ARMC9: variants seen among roughly 807,000 people sequenced by gnomAD.
ARMC9 encodes the protein lisH domain-containing protein ARMC9.
Under a neutral mutation model 107.0 loss-of-function variants are expected in ARMC9, and 94 were observed. The observed-to-expected ratio is 0.88, with a 90% confidence interval of 0.74 to 1.04. The LOEUF (loss-of-function observed/expected upper bound fraction) is 1.04. ARMC9 is among the 50% of genes least tolerant of loss of function. The pLI is 0.00. For synonymous variants in ARMC9, 380 were observed against 396.9 expected, an observed-to-expected ratio of 0.96 and a Z score of 0.51; for missense variants, 942 against 1,030.1, an observed-to-expected ratio of 0.91 and a Z score of 1.17.
At chr2:231,311,919 T>C (rs770822852) in intron 19 of ARMC9, among the ~76,000 whole-genome samples, 1 of 152,078 alleles carries the variant, frequency 6.6e-6, no homozygotes, top group Non-Finnish European at 1.5e-5. Flanking sequence ...CATATACCTA[T>C]GTAATTCAGA....
At chr2:231,371,412 C>T in intron 24 of ARMC9, 101 bp from the exon 25 acceptor site, 1 of 1,310,336 alleles carries the variant, frequency 7.6e-7, no homozygotes, top group East Asian at 2.7e-5. Flanking sequence ...GGGAAGGTTC[C>T]CTCGCTTCTG....
chr2:231,226,622 C>A, intron 6 of ARMC9, 152 bp from the exon 7 acceptor site: 1 of 859,936 alleles, frequency 1.2e-6, no homozygotes, highest in Non-Finnish European at 1.9e-6. Flanking sequence ...AGTTGCTTAG[C>A]TATTTACAGC....
rs2041440429 is a variant in ARMC9 at position 231,297,280 on chromosome 2, C to T, written c.1773+1027C>T. On this transcript the variant is annotated intron_variant, in intron 19 of 24. Coordinates refer to ENST00000611582, the MANE Select transcript of ARMC9 (RefSeq NM_001352754.2). This position sits in a 1 kb window ranked among gnomAD's most constrained non-coding sequence, Gnocchi z 4.2. ...CTTGTCCAGCAGTGCAGAGCTTGACCTCCAGATAGGGGTCCTGGCCCCTAT... is the reference window on the plus strand; with the variant it reads ...CTTGTCCAGCAGTGCAGAGCTTGACTTCCAGATAGGGGTCCTGGCCCCTAT... Among the ~76,000 whole-genome samples the T allele has an allele frequency of 6.6e-6, 1 of 152,292 alleles. No individual in the cohort carries two copies. The highest frequency in any genetic ancestry group is 6.5e-5 in the Admixed American group (1 of 15,290).
At chr2:231,212,267 C>T (rs2032973496) in intron 3 of ARMC9, among the ~76,000 whole-genome samples, 1 of 152,106 alleles carries the variant, frequency 6.6e-6, no homozygotes, top group Non-Finnish European at 1.5e-5. Flanking sequence ...TATTTTGTGA[C>T]TGTAAGTTAT....
intron 23 of ARMC9, among the ~76,000 whole-genome samples, chr2:231,367,809 C>G (rs1314891476): frequency 6.6e-6 from 1 of 151,500 alleles, no homozygotes; most frequent in Non-Finnish European, 1.5e-5. Context: ...ATTGTGAAAC[C>G]CTGTCTCTTC....
At chr2:231,260,928 G>A (rs561561727) in intron 11 of ARMC9, among the ~76,000 whole-genome samples, 5 of 152,226 alleles carry the variant, frequency 3.3e-5, no homozygotes, top group South Asian at 2.1e-4. Flanking sequence ...TTTTGCCCCT[G>A]CTTCAACCTC....
intron 12 of ARMC9, among the ~76,000 whole-genome samples, chr2:231,269,796 A>G (rs2039159757): frequency 6.6e-6 from 1 of 151,992 alleles, no homozygotes; most frequent in Non-Finnish European, 1.5e-5. Flanking sequence ...CTTTGAGGAT[A>G]TTATTGATGA....
At chr2:231,371,335 T>C (rs1435342833) in intron 24 of ARMC9, among the ~76,000 whole-genome samples, 178 bp from the exon 25 acceptor site, 1 of 151,688 alleles carries the variant, frequency 6.6e-6, no homozygotes, top group Admixed American at 6.6e-5. Flanking sequence ...CCAAGCAGCC[T>C]GCTTCCTGTG....
intron 7 of ARMC9, among the ~76,000 whole-genome samples, chr2:231,232,142 C>A (rs1315360176): frequency 6.6e-6 from 1 of 150,950 alleles, no homozygotes. Flanking sequence ...TCTGCTGCCT[C>A]AGCCTCCTGA....
chr2:231,272,148 A>G (rs886151980), intron 13 of ARMC9, among the ~76,000 whole-genome samples: 2 of 150,286 alleles, frequency 1.3e-5, no homozygotes, highest in South Asian at 2.1e-4. Flanking sequence ...ATAAGTTTTA[A>G]TAAGTTTTGT....
In ARMC9 at chr2:231,212,926, C is replaced by T. The variant is rs1463255415; in HGVS notation, c.178-1905C>T. On this transcript the variant is annotated intron_variant, in intron 3 of 24. Transcript: ENST00000611582. ...TTGAAATGTAACTGGCACCTTCCAGCGTAAGGCAGTATTCAGAGACAGTTC... is the reference window on the plus strand; with the variant it reads ...TTGAAATGTAACTGGCACCTTCCAGTGTAAGGCAGTATTCAGAGACAGTTC... Among the ~76,000 whole-genome samples, 3 of 152,216 alleles carry T rather than the reference C, an allele frequency of 2.0e-5. No homozygotes were observed. The East Asian group carries it at 5.8e-4, about 29-fold the overall frequency.
intron 6 of ARMC9, 128 bp from the exon 7 acceptor site, chr2:231,226,645 TG>T: frequency 9.3e-7 from 1 of 1,070,152 alleles, no homozygotes; most frequent in Non-Finnish European, 1.4e-6. Flanking sequence ...CAGTTGGAGC[TG>T]GCCCTCCCGG....
chr2:231,288,837 G>C, intron 17 of ARMC9: 1 of 394,882 alleles, frequency 2.5e-6, no homozygotes, highest in Non-Finnish European at 5.2e-6. Context: ...CTTTCACCTA[G>C]TCAGACATCT....
intron 19 of ARMC9, among the ~76,000 whole-genome samples, chr2:231,324,674 G>A (rs889312670): frequency 1.3e-5 from 2 of 151,858 alleles, no homozygotes; most frequent in African/African-American, 2.4e-5. Flanking sequence ...AACCGAGGAG[G>A]CGGAGGTTGT....
Position 231,360,852 on chromosome 2 carries a change from CCCCAGGA to C in ARMC9, c.2237_2243del (p.Asp746AlafsTer4). 1 of 1,535,086 alleles carries C rather than the reference CCCCAGGA, an allele frequency of 6.5e-7. No individual in the cohort carries two copies. The highest frequency in any genetic ancestry group is 8.7e-7 in the Non-Finnish European group (1 of 1,146,382). On this transcript the variant is annotated frameshift_variant, in exon 23 of 25. Coordinates refer to ENST00000611582, the MANE Select transcript of ARMC9 (RefSeq NM_001352754.2). LOFTEE classifies it high-confidence loss of function. This position sits in a 1 kb window ranked among gnomAD's most constrained non-coding sequence, Gnocchi z 4.7. ...GACCCCCCGCCAGCCAAGGGAGGCG[CCCCAGGA>C]CCCAGGCAATGGAGTGACCACCAGG...
chr2:231,257,267 T>C (rs891592072), intron 10 of ARMC9, among the ~76,000 whole-genome samples: 2 of 152,270 alleles, frequency 1.3e-5, no homozygotes, highest in Non-Finnish European at 2.9e-5. Context: ...TGTTGTCTGC[T>C]GGTTCACACT....
chr2:231,240,637 A>C (rs926156575), intron 9 of ARMC9, among the ~76,000 whole-genome samples: 1 of 152,184 alleles, frequency 6.6e-6, no homozygotes, highest in Admixed American at 6.5e-5. Context: ...AAGGTTAGGA[A>C]TATTCTCTCA....
At chr2:231,337,463 A>ATT (rs1378579607) in intron 20 of ARMC9, among the ~76,000 whole-genome samples, 4 of 102,722 alleles carry the variant, frequency 3.9e-5, no homozygotes, top group Admixed American at 9.5e-5. Context: ...CGCCCGGCTA[A>ATT]TTTTTGTTTT....
chr2:231,326,997 A>C (rs1038554955), intron 19 of ARMC9, among the ~76,000 whole-genome samples: 2 of 151,508 alleles, frequency 1.3e-5, no homozygotes, highest in Non-Finnish European at 2.9e-5. Context: ...CCCTTAGACC[A>C]CTCCAGCACT....
Sources: allele counts gnomAD v4.1 joint callset (sites outside exome capture counted in the v4.1 genomes callset), GRCh38; gene constraint gnomAD v4.1.1; non-coding constraint Gnocchi (gnomAD v3.1); transcripts MANE v1.5; gene names NCBI Gene and HGNC (gene_info 2026-07-23, HGNC 2026-07-21).